The following SRPX variants were observed in gnomAD, a reference collection of about 807,000 sequenced individuals.
The protein encoded by SRPX is sushi repeat containing protein X-linked.
SRPX carries 24 observed loss-of-function variants against 38.1 expected under a neutral mutation model. The ratio of observed to expected loss-of-function variants is 0.63; its 90% CI spans 0.46 to 0.89. The LOEUF (loss-of-function observed/expected upper bound fraction) is 0.89. Among genes scored for constraint, SRPX ranks in the 40% least tolerant of loss-of-function variants. The probability of loss-of-function intolerance (pLI) is 0.00; values close to 1 mark genes in which losing one functional copy is unlikely to be tolerated. For missense variants in SRPX, 416 were observed against 377.8 expected (o/e 1.10, Z -0.84); for synonymous variants, 184 against 153.8 (o/e 1.20, Z -1.45).
At chrX:38,187,066 A>C (rs1187275720) in intron 1 of SRPX, among the ~76,000 whole-genome samples, 2 of 111,659 alleles carry the variant, frequency 1.8e-5, no homozygotes, top group East Asian at 5.6e-4. Context: ...CAGGGTTGCC[A>C]TAAATTAAAT....
Position 38,156,311 on chromosome X carries a change from A to G in SRPX, c.1089+585T>C, listed in dbSNP as rs764347122. Reference sequence around the variant, plus strand: ...CAAAATTTACATAGCTGAGAAGGACACATTTCCCAGAAAAGTGACCCTCAA... The same window carrying G: ...CAAAATTTACATAGCTGAGAAGGACGCATTTCCCAGAAAAGTGACCCTCAA... On this transcript the variant is annotated intron_variant, in intron 8 of 9. Coordinates refer to ENST00000378533, the MANE Select transcript of SRPX (RefSeq NM_006307.5). Among the ~76,000 whole-genome samples, 14 of 111,708 alleles carry G rather than the reference A, an allele frequency of 1.3e-4. 1 individual carries two copies. The Admixed American group carries it at 1.3e-3, about 11-fold the overall frequency.
intron 9 of SRPX, 103 bp from the exon 10 acceptor site, chrX:38,149,997 T>C: frequency 1.4e-6 from 1 of 725,022 alleles, no homozygotes; most frequent in Non-Finnish European, 1.9e-6. Flanking sequence ...GAGAAAGCTT[T>C]GATACAATGA....
At chrX:38,213,381 A>C (rs1246402367) in intron 1 of SRPX, among the ~76,000 whole-genome samples, 2 of 112,160 alleles carry the variant, frequency 1.8e-5, no homozygotes, top group Non-Finnish European at 3.8e-5. Context: ...TAAAACTGTT[A>C]TGAATTTAAT....
At chrX:38,197,540 A>T (rs1375075436) in intron 1 of SRPX, among the ~76,000 whole-genome samples, 1 of 112,055 alleles carries the variant, frequency 8.9e-6, no homozygotes, top group East Asian at 2.8e-4. Flanking sequence ...GGGGTAATTT[A>T]CATATCTATC....
chrX:38,173,862 T>C (rs762584806), intron 3 of SRPX, among the ~76,000 whole-genome samples: 1 of 112,126 alleles, frequency 8.9e-6, no homozygotes, highest in East Asian at 2.8e-4. Context: ...GCAGGACCCA[T>C]GTGCGTCTTA....
In SRPX at chrX:38,198,786, A is replaced by G. The variant is rs369206622; in HGVS notation, c.98-20442T>C. On this transcript the variant is annotated intron_variant, in intron 1 of 9. Coordinates refer to ENST00000378533, the MANE Select transcript of SRPX (RefSeq NM_006307.5). Reference sequence around the variant, plus strand: ...TTGCATAATAAAGGACATTACTAACATATTAAGTTCTGGGGCCCGAGCAAC... The same window carrying G: ...TTGCATAATAAAGGACATTACTAACGTATTAAGTTCTGGGGCCCGAGCAAC... 2.7e-5 allele frequency among the ~76,000 whole-genome samples: 3 copies of G among 111,660 alleles called. No individual in the cohort carries two copies. The South Asian group carries it at 1.1e-3, about 43-fold the overall frequency.
intron 1 of SRPX, among the ~76,000 whole-genome samples, chrX:38,213,391 T>A (rs1028809314): frequency 2.7e-5 from 3 of 111,894 alleles, no homozygotes; most frequent in African/African-American, 9.8e-5. Context: ...ATGAATTTAA[T>A]CACAAATCAG....
chrX:38,163,096 T>A (rs891751495), intron 5 of SRPX, among the ~76,000 whole-genome samples: 2 of 112,524 alleles, frequency 1.8e-5, no homozygotes, highest in Admixed American at 1.9e-4. Context: ...ACTTTTCAAT[T>A]CTGATTGCCT....
intron 1 of SRPX, among the ~76,000 whole-genome samples, chrX:38,207,429 G>A (rs1939231943): frequency 8.9e-6 from 1 of 112,129 alleles, no homozygotes; most frequent in Non-Finnish European, 1.9e-5. Context: ...ACAAAGCTCT[G>A]TAGCCTGACT....
intron 1 of SRPX, among the ~76,000 whole-genome samples, chrX:38,190,970 G>A (rs1938891536): frequency 1.8e-5 from 2 of 111,585 alleles, no homozygotes; most frequent in Admixed American, 1.9e-4. Flanking sequence ...AGGAAGATGT[G>A]AGCCCTGAAG....
intron 1 of SRPX, among the ~76,000 whole-genome samples, chrX:38,206,678 G>A (rs948677339): frequency 8.9e-6 from 1 of 111,777 alleles, no homozygotes; most frequent in African/African-American, 3.3e-5. Flanking sequence ...GAAGCATAGC[G>A]ATGGACTAGA....
intron 2 of SRPX, 59 bp downstream of exon 2, chrX:38,178,226 A>T (rs5918489): frequency 0.38 from 376,644 of 992,243 alleles, 55,644 homozygotes; most frequent in Non-Finnish European, 0.42. Context: ...TCACAAGGCA[A>T]AAAGGAAAGT....
intron 1 of SRPX, among the ~76,000 whole-genome samples, chrX:38,182,567 C>G (rs1296805483): frequency 1.8e-5 from 2 of 111,934 alleles, no homozygotes. Context: ...ATTAATTCCC[C>G]TTTGCCAGGA....
intron 1 of SRPX, among the ~76,000 whole-genome samples, chrX:38,220,224 T>C (rs1016893810): frequency 2.6e-5 from 3 of 113,744 alleles, no homozygotes; most frequent in Non-Finnish European, 5.6e-5. Context: ...AAAGTCGCTT[T>C]ACCGTGGCTC....
intron 1 of SRPX, among the ~76,000 whole-genome samples, chrX:38,180,337 T>C (rs1251520752): frequency 9.0e-6 from 1 of 111,434 alleles, no homozygotes; most frequent in Non-Finnish European, 1.9e-5. Flanking sequence ...CTAAACAGAC[T>C]CTCTGGACAG....
intron 1 of SRPX, among the ~76,000 whole-genome samples, chrX:38,181,144 C>G (rs555425462): frequency 8.9e-6 from 1 of 112,233 alleles, no homozygotes; most frequent in Admixed American, 9.4e-5. Context: ...AGTTCTAAGG[C>G]CTTTAGAGCA....
chrX:38,167,949 T>A (rs942188389), intron 4 of SRPX, among the ~76,000 whole-genome samples: 1 of 111,187 alleles, frequency 9.0e-6, no homozygotes, highest in African/African-American at 3.3e-5. Flanking sequence ...CATTTATTTA[T>A]TTATTTTTGT....
In SRPX at chrX:38,156,943, G is replaced by T; in HGVS notation, c.1042C>A (p.Pro348Thr). ...CGGTAAAGGAGGTTTCGGGCTGTGG[G>T]TGTGGACACAATGAGGAGTCTCCTT... ...EKRRLLIVST[P>T]TARNLLYRLQ... Residue 348 changes from proline (P) to threonine (T), a missense_variant, in exon 8 of 10, where the codon CCC (proline) becomes ACC (threonine). Coordinates refer to ENST00000378533, the MANE Select transcript of SRPX (RefSeq NM_006307.5). 1 of 1,211,586 alleles carries T rather than the reference G, an allele frequency of 8.3e-7. No homozygotes were observed. The highest frequency in any genetic ancestry group is 1.1e-6 in the Non-Finnish European group (1 of 895,425).
At chrX:38,173,958 C>T (rs1938523159) in intron 3 of SRPX, among the ~76,000 whole-genome samples, 1 of 112,073 alleles carries the variant, frequency 8.9e-6, no homozygotes, top group Non-Finnish European at 1.9e-5. Context: ...ATCTTCTCTC[C>T]CCTTTTCTCA....
Sources: gnomAD v4.1 joint callset for allele counts (sites outside exome capture counted in the v4.1 genomes callset) on GRCh38, gnomAD v4.1.1 for gene constraint, MANE v1.5 for transcripts, NCBI Gene and HGNC (gene_info 2026-07-23, HGNC 2026-07-21) for gene names.